Variants in DNAH5 observed in about 807,000 individuals in gnomAD.
The protein encoded by DNAH5 is axonemal beta dynein heavy chain 5.
In DNAH5, 372 loss-of-function variants were observed where a neutral mutation model predicts 518.2. The ratio of observed to expected loss-of-function variants is 0.72; its 90% CI spans 0.66 to 0.78. The LOEUF is 0.78. Ranked by LOEUF, DNAH5 falls within the 30% of genes least tolerant of loss-of-function variation. The probability of loss-of-function intolerance (pLI) is 0.00; values close to 1 mark genes in which losing one functional copy is unlikely to be tolerated. For synonymous variants in DNAH5, 2,039 were observed against 2,025.9 expected, an observed-to-expected ratio of 1.01 and a Z score of -0.17; for missense variants, 5,523 against 5,687.0, an observed-to-expected ratio of 0.97 and a Z score of 0.93.
intron 78 of DNAH5, among the ~76,000 whole-genome samples, chr5:13,693,188 A>G (rs1225355597): frequency 6.6e-6 from 1 of 152,242 alleles, no homozygotes; most frequent in Non-Finnish European, 1.5e-5. Flanking sequence ...TTACAAAAAA[A>G]TTAAAAAACC....
At chr5:13,723,157 C>A (rs1171758154) in intron 70 of DNAH5, among the ~76,000 whole-genome samples, 3 of 152,192 alleles carry the variant, frequency 2.0e-5, no homozygotes, top group Non-Finnish European at 1.5e-5. Context: ...TTGGACAGAT[C>A]CAATATCTAA....
chr5:14,011,513 G>C (rs1037684740), intron 1 of DNAH5, among the ~76,000 whole-genome samples: 1 of 152,124 alleles, frequency 6.6e-6, no homozygotes, highest in East Asian at 1.9e-4. Context: ...GAAAACCCCG[G>C]ACCACAAGCC....
At chr5:13,700,165 G>C (rs183219352) in intron 78 of DNAH5, among the ~76,000 whole-genome samples, 1 of 152,262 alleles carries the variant, frequency 6.6e-6, no homozygotes, top group Admixed American at 6.5e-5. Context: ...CCTCCAAGCT[G>C]GTAGAACCAC....
At chr5:13,816,954 G>A (rs943992601) in intron 42 of DNAH5, among the ~76,000 whole-genome samples, 2 of 152,192 alleles carry the variant, frequency 1.3e-5, no homozygotes, top group East Asian at 1.9e-4. Flanking sequence ...TCTTCCCACC[G>A]AATTTATATT....
At chr5:13,873,478 G>A (rs371768538) in intron 22 of DNAH5, among the ~76,000 whole-genome samples, 6 of 152,012 alleles carry the variant, frequency 3.9e-5, no homozygotes, top group South Asian at 2.1e-4. Flanking sequence ...AAAACAGGAC[G>A]ATTTTCAGGA....
intron 68 of DNAH5, among the ~76,000 whole-genome samples, chr5:13,730,229 G>A (rs1257723146): frequency 2.0e-5 from 3 of 152,124 alleles, no homozygotes; most frequent in African/African-American, 7.2e-5. Flanking sequence ...TGTAACCCAC[G>A]TAACTCTGAC....
intron 61 of DNAH5, among the ~76,000 whole-genome samples, chr5:13,757,784 C>G (rs968115360): frequency 3.3e-5 from 5 of 152,118 alleles, no homozygotes; most frequent in African/African-American, 1.2e-4. Context: ...CTTCCAAAAG[C>G]ATTTACTTTG....
intron 65 of DNAH5, among the ~76,000 whole-genome samples, chr5:13,738,327 T>C (rs1048260023): frequency 6.6e-6 from 1 of 152,220 alleles, no homozygotes; most frequent in Admixed American, 6.5e-5. Context: ...GGTTTACTTC[T>C]GTCTACTTTC....
At chr5:13,714,647 AC>A in intron 74 of DNAH5, 27 bp from the exon 75 acceptor site, 1 of 1,609,286 alleles carries the variant, frequency 6.2e-7, no homozygotes, top group Non-Finnish European at 8.5e-7. Context: ...CCAGATAAGC[AC>A]AGACTGCCAA....
At chr5:13,976,976 A>G (rs1782308214) in intron 1 of DNAH5, among the ~76,000 whole-genome samples, 1 of 152,114 alleles carries the variant, frequency 6.6e-6, no homozygotes, top group South Asian at 2.1e-4. Flanking sequence ...TTAAAATTCA[A>G]ATTTATTTTG....
intron 52 of DNAH5, among the ~76,000 whole-genome samples, chr5:13,785,669 C>T (rs1755871877): frequency 6.6e-6 from 1 of 152,192 alleles, no homozygotes; most frequent in African/African-American, 2.4e-5. Context: ...CACTAACTCC[C>T]CAATCGTCTC....
rs773322142 is a variant in DNAH5 at position 13,931,143 on chromosome 5, G to A, written c.159C>T (p.Thr53=). 2.2e-5 allele frequency: 35 copies of A among 1,614,098 alleles called. No homozygotes were observed. The highest frequency in any genetic ancestry group is 1.3e-4 in the East Asian group (6 of 44,872). The part of the protein sequence containing the change: ...IVASCLDLNK[T]EVEDAILEGN... ...CTTCAAGAATGGCATCCTCCACTTC[G>A]GTTTTGTTCAGGTCCAAACAGGAAG... Residue 53 remains threonine, a synonymous_variant, in exon 2 of 79, where the codon ACC becomes ACT. Transcript: ENST00000265104.
intron 1 of DNAH5, among the ~76,000 whole-genome samples, chr5:13,955,193 T>G (rs1780678453): frequency 6.6e-6 from 1 of 152,180 alleles, no homozygotes; most frequent in Admixed American, 6.5e-5. Context: ...TTTAAAAGTG[T>G]GTGGCACTTC....
chr5:13,842,725 A>C (rs1047351964), intron 32 of DNAH5, among the ~76,000 whole-genome samples: 1 of 152,140 alleles, frequency 6.6e-6, no homozygotes, highest in African/African-American at 2.4e-5. Context: ...AGGGCCCCTC[A>C]CTTACACAGA....
rs200891691 is a variant in DNAH5 at position 13,700,667 on chromosome 5, C to T, written c.13696G>A (p.Val4566Ile). The T allele has an allele frequency of 8.1e-6, 13 of 1,614,028 alleles. No individual in the cohort carries two copies. Among genetic ancestry groups the T allele is most frequent in the African/African-American group, 1.3e-5 (1 of 74,918 alleles). Reference protein sequence around the residue: ...KPKVLFELMPVIRIYAENNTL... With the variant: ...KPKVLFELMPIIRIYAENNTL... ...TTGTTTTCTGCATAAATCCTTATGA[C>T]AGGCATCAACTCAAAGAGCACTTTT... The change falls in exon 78 of 79, where the codon GTC becomes ATC. Residue 4566 changes from valine (V) to isoleucine (I), a missense_variant. By Grantham distance (29) the Val-to-Ile change is conservative. Coordinates refer to ENST00000265104, the MANE Select transcript of DNAH5 (RefSeq NM_001369.3).
rs1340645369 is a variant in DNAH5, at chr5:13,809,184, T to C, written c.7612A>G (p.Thr2538Ala). 2 of 1,614,144 alleles carry C rather than the reference T, an allele frequency of 1.2e-6. No individual in the cohort carries two copies. The highest frequency in any genetic ancestry group is 1.7e-6 in the Non-Finnish European group (2 of 1,179,996). ...GTACGCGTGTTCCAGTGCGTCCATG[T>C]ACCTAAGGTGAGCAGAGGACATTTC... ...AFDYYVAPDG[T>A]WTHWNTRTQE... is the part of the protein sequence containing the mutation. The change falls in exon 46 of 79, where the codon ACA (threonine) becomes GCA (alanine). Residue 2538 changes from threonine to alanine, a missense_variant and splice_region_variant. Physicochemically the swap from Thr to Ala is moderately conservative, Grantham distance 58. Transcript: ENST00000265104.
At chr5:13,871,789 G>C in intron 22 of DNAH5, 24 bp from the exon 23 acceptor site, 1 of 1,597,444 alleles carries the variant, frequency 6.3e-7, no homozygotes, top group Non-Finnish European at 8.6e-7. Flanking sequence ...ACAGATTTAT[G>C]TTAAGAAGGA....
At chr5:13,727,779 AT>A (rs1649950709) in intron 69 of DNAH5, 123 bp from the exon 70 acceptor site, 6 of 1,066,234 alleles carry the variant, frequency 5.6e-6, no homozygotes, top group Admixed American at 2.3e-5. Context: ...TTCCTTGGCT[AT>A]TTTTTTATTT....
Position 13,922,205 on chromosome 5 carries a change from CCTCGAG to C in DNAH5, c.556_561del (p.Leu186_Glu187del), listed in dbSNP as rs774554955. On this transcript the variant is annotated inframe_deletion, in exon 5 of 79. Coordinates refer to ENST00000265104, the MANE Select transcript of DNAH5 (RefSeq NM_001369.3). ...CGAATGTTAGCTGCGTCCTGAAGGC[CCTCGAG>C]CTCGCCCCAGCCATGGCTCGTGGCT... 57 of 1,614,060 alleles carry C rather than the reference CCTCGAG, an allele frequency of 3.5e-5. 1 individual carries two copies. In the East Asian group the frequency reaches 1.3e-3, roughly 36 times the overall value.
Sources: allele counts gnomAD v4.1 joint callset (sites outside exome capture counted in the v4.1 genomes callset), GRCh38; gene constraint gnomAD v4.1.1; transcripts MANE v1.5; gene names NCBI Gene and HGNC (gene_info 2026-07-23, HGNC 2026-07-21).